Variants in TEK observed in about 807,000 individuals in gnomAD.
TEK encodes TEK receptor tyrosine kinase.
A neutral mutation model predicts 131.8 loss-of-function variants in TEK; 43 were observed. The ratio of observed to expected loss-of-function variants is 0.33; its 90% confidence interval spans 0.26 to 0.42. TEK has a LOEUF of 0.42. Ranked by LOEUF, TEK falls within the 10% of genes least tolerant of loss-of-function variation. TEK has a pLI of 1.00. For missense variants in TEK, 1,162 were observed against 1,384.4 expected (o/e 0.84, Z 2.55); for synonymous variants, 580 against 491.6 (o/e 1.18, Z -2.38).
At chr9:27,215,786 TG>T (rs1200814914) in intron 18 of TEK, among the ~76,000 whole-genome samples, 1 of 152,060 alleles carries the variant, frequency 6.6e-6, no homozygotes, top group African/African-American at 2.4e-5. Flanking sequence ...GACTCAGGAT[TG>T]TAACAGCTGA....
chr9:27,197,127 A>G (rs954191009), intron 11 of TEK, among the ~76,000 whole-genome samples, 188 bp from the exon 12 acceptor site: 2 of 151,706 alleles, frequency 1.3e-5, no homozygotes, highest in African/African-American at 4.8e-5. Flanking sequence ...ACTCGGTATC[A>G]GGAGGACAGC....
chr9:27,185,663 C>T (rs944386770), intron 9 of TEK, 34 bp downstream of exon 9: 20 of 1,612,680 alleles, frequency 1.2e-5, no homozygotes, highest in Non-Finnish European at 1.7e-5. Context: ...GGATTGTGTC[C>T]TTGATGCATT....
intron 1 of TEK, among the ~76,000 whole-genome samples, chr9:27,126,845 C>A (rs1822007303): frequency 6.6e-6 from 1 of 152,124 alleles, no homozygotes; most frequent in South Asian, 2.1e-4. Flanking sequence ...TACAGTGTAA[C>A]CCAGATTTGA....
At chr9:27,155,851 C>A (rs1253618121) in intron 1 of TEK, among the ~76,000 whole-genome samples, 1 of 146,968 alleles carries the variant, frequency 6.8e-6, no homozygotes, top group East Asian at 2.0e-4. Flanking sequence ...GAATTTTGCT[C>A]TTTGTCGCCC....
intron 1 of TEK, among the ~76,000 whole-genome samples, chr9:27,147,945 T>G (rs1822985502): frequency 6.6e-6 from 1 of 152,242 alleles, no homozygotes; most frequent in African/African-American, 2.4e-5. Flanking sequence ...CTGCTACAAA[T>G]TAGCTGTGTA....
At chr9:27,127,489 A>G (rs548549229) in intron 1 of TEK, among the ~76,000 whole-genome samples, 3 of 152,354 alleles carry the variant, frequency 2.0e-5, no homozygotes, top group African/African-American at 7.2e-5. Flanking sequence ...GTGTATACCC[A>G]GTAATGGGAT....
At chr9:27,133,735 C>T (rs556553758) in intron 1 of TEK, among the ~76,000 whole-genome samples, 5 of 152,250 alleles carry the variant, frequency 3.3e-5, no homozygotes, top group African/African-American at 7.2e-5. Context: ...CATGCCTGGA[C>T]GTCTCTGGGA....
intron 6 of TEK, among the ~76,000 whole-genome samples, 182 bp from the exon 7 acceptor site, chr9:27,180,058 T>C (rs939131907): frequency 5.9e-5 from 9 of 152,182 alleles, no homozygotes; most frequent in African/African-American, 2.2e-4. Flanking sequence ...CTCATTCAAC[T>C]TTTTTTGGAA....
intron 1 of TEK, among the ~76,000 whole-genome samples, chr9:27,135,525 A>G (rs1037071017): frequency 6.6e-6 from 1 of 152,148 alleles, no homozygotes; most frequent in African/African-American, 2.4e-5. Context: ...ATATTCCACT[A>G]TTTGCCACAT....
chr9:27,180,146 T>A, intron 6 of TEK, 94 bp from the exon 7 acceptor site: 2 of 1,569,050 alleles, frequency 1.3e-6, no homozygotes, highest in Non-Finnish European at 8.8e-7. Flanking sequence ...GCAAAGTTGA[T>A]GGCTTAGAGA....
chr9:27,213,979 C>G (rs1825724938), intron 18 of TEK, among the ~76,000 whole-genome samples: 1 of 152,130 alleles, frequency 6.6e-6, no homozygotes, highest in Non-Finnish European at 1.5e-5. Context: ...TTCCAAAAGT[C>G]AAGAAGACAA....
At chr9:27,209,020 G>C (rs1340285604) in intron 15 of TEK, 101 bp from the exon 16 acceptor site, 2 of 769,422 alleles carry the variant, frequency 2.6e-6, no homozygotes, top group African/African-American at 1.7e-5. Context: ...TACAGTTGAT[G>C]GTGACTGAGG....
At chr9:27,162,641 A>G (rs973835385) in intron 2 of TEK, among the ~76,000 whole-genome samples, 1 of 152,184 alleles carries the variant, frequency 6.6e-6, no homozygotes, top group African/African-American at 2.4e-5. Context: ...TAACCAAAGG[A>G]ATATGTTAAA....
chr9:27,138,667 A>G (rs1294424777), intron 1 of TEK, among the ~76,000 whole-genome samples: 1 of 152,216 alleles, frequency 6.6e-6, no homozygotes, highest in African/African-American at 2.4e-5. Context: ...GAATAACACA[A>G]GTTTGAGCTT....
intron 13 of TEK, among the ~76,000 whole-genome samples, chr9:27,204,691 A>AT (rs1184158244): frequency 3.6e-5 from 5 of 138,832 alleles, no homozygotes; most frequent in Non-Finnish European, 6.4e-5. Context: ...GCACTTTTGC[A>AT]TGTTTTTTTT....
chr9:27,179,420 A>T (rs1824283197), intron 6 of TEK, among the ~76,000 whole-genome samples: 1 of 152,158 alleles, frequency 6.6e-6, no homozygotes, highest in East Asian at 1.9e-4. Context: ...GTCTATTCCA[A>T]CATCTGAGTC....
intron 1 of TEK, among the ~76,000 whole-genome samples, chr9:27,131,443 C>T (rs1328920935): frequency 6.8e-6 from 1 of 146,924 alleles, no homozygotes; most frequent in Non-Finnish European, 1.5e-5. Flanking sequence ...CATGCCACTG[C>T]ACTCCAGCCT....
In TEK at chr9:27,219,567, A is replaced by G. The variant is rs1024390100; in HGVS notation, c.3104-482A>G. Among the ~76,000 whole-genome samples the G allele has an allele frequency of 1.7e-4, 26 of 152,168 alleles. 1 individual carries two copies. The highest frequency in any genetic ancestry group is 7.4e-5 in the Non-Finnish European group (5 of 68,022). ...GGCTTAAAACCTAGATGATGGGTCG[A>G]TAGGTGCAGCAAACCACCCACCATG... On this transcript the variant is annotated intron_variant, in intron 20 of 22. Coordinates refer to ENST00000380036, the MANE Select transcript of TEK (RefSeq NM_000459.5).
At chr9:27,142,773 G>C (rs1397118607) in intron 1 of TEK, among the ~76,000 whole-genome samples, 1 of 152,242 alleles carries the variant, frequency 6.6e-6, no homozygotes, top group Non-Finnish European at 1.5e-5. Flanking sequence ...TTACATTTGA[G>C]ATCTCCTTTA....
Sources: allele counts gnomAD v4.1 joint callset (sites outside exome capture counted in the v4.1 genomes callset), GRCh38; gene constraint gnomAD v4.1.1; transcripts MANE v1.5; gene names NCBI Gene and HGNC (gene_info 2026-07-23, HGNC 2026-07-21).